The following MEIKIN variants were observed in gnomAD, a reference collection of about 807,000 sequenced individuals.
MEIKIN encodes the protein meiotic kinetochore factor.
At chr5:131,880,881 A>G (rs1750692266) in intron 8 of MEIKIN, among the ~76,000 whole-genome samples, 2 of 152,242 alleles carry the variant, frequency 1.3e-5, no homozygotes, top group Admixed American at 6.5e-5. Context: ...ATATTTTAGT[A>G]TATCACATTT....
At chr5:131,874,164 T>C (rs1352797381) in intron 9 of MEIKIN, among the ~76,000 whole-genome samples, 1 of 151,678 alleles carries the variant, frequency 6.6e-6, no homozygotes, top group Non-Finnish European at 1.5e-5. Context: ...CTGAAGGAAA[T>C]AGAGACACAA....
At chr5:131,848,214 T>C (rs1200788698) in intron 11 of MEIKIN, among the ~76,000 whole-genome samples, 1 of 151,802 alleles carries the variant, frequency 6.6e-6, no homozygotes, top group African/African-American at 2.4e-5. Flanking sequence ...TAGAAAATCA[T>C]AAGGAAAATC....
At position 131,831,623 on chromosome 5, in the gene MEIKIN, A is replaced by G. The variant is rs988601780; in HGVS notation, c.976-12760T>C. Among the ~76,000 whole-genome samples, 60 of 152,292 alleles carry G rather than the reference A, an allele frequency of 3.9e-4. 1 individual carries two copies. Among genetic ancestry groups the G allele is most frequent in the African/African-American group, 1.2e-3 (51 of 41,574 alleles). ...CCTACACTTTTTATTTTTGGCTTAC[A>G]CTATTTGAGTTTTTTTGTGATTGTA... On this transcript the variant is annotated intron_variant, in intron 11 of 12. Coordinates refer to ENST00000442687, the MANE Select transcript of MEIKIN (RefSeq NM_001303622.2).
intron 9 of MEIKIN, among the ~76,000 whole-genome samples, chr5:131,861,688 T>C (rs1012361597): frequency 6.6e-6 from 1 of 152,254 alleles, no homozygotes; most frequent in African/African-American, 2.4e-5. Context: ...CAAATTCTTT[T>C]TCTGCATCTA....
chr5:131,878,363 C>G (rs1381266714), intron 9 of MEIKIN, among the ~76,000 whole-genome samples: 2 of 151,982 alleles, frequency 1.3e-5, no homozygotes, highest in East Asian at 1.9e-4. Flanking sequence ...GTCAGGAGAT[C>G]GAGTCCATCC....
intron 10 of MEIKIN, among the ~76,000 whole-genome samples, chr5:131,853,794 G>A (rs1283291465): frequency 6.6e-6 from 1 of 152,050 alleles, no homozygotes; most frequent in African/African-American, 2.4e-5. Flanking sequence ...ACCATAATGA[G>A]ATACCACCTC....
chr5:131,873,996 T>A (rs930146364), intron 9 of MEIKIN, among the ~76,000 whole-genome samples: 9 of 152,286 alleles, frequency 5.9e-5, no homozygotes, highest in African/African-American at 2.2e-4. Flanking sequence ...TTCAAAGCAG[T>A]GTGTAGAGGG....
intron 8 of MEIKIN, among the ~76,000 whole-genome samples, chr5:131,910,275 G>A (rs1315986329): frequency 6.6e-6 from 1 of 152,140 alleles, no homozygotes; most frequent in Non-Finnish European, 1.5e-5. Context: ...ACAACAACAT[G>A]AATGAAACTG....
chr5:131,897,964 C>T (rs1040109956), intron 8 of MEIKIN, among the ~76,000 whole-genome samples: 1 of 152,174 alleles, frequency 6.6e-6, no homozygotes, highest in Admixed American at 6.5e-5. Context: ...AGATGCGATC[C>T]TTTGGAGGAG....
chr5:131,835,256 T>C (rs938801735), intron 11 of MEIKIN, among the ~76,000 whole-genome samples: 31 of 145,704 alleles, frequency 2.1e-4, no homozygotes, highest in African/African-American at 8.6e-4. Flanking sequence ...ATATATATGA[T>C]ATATGATATC....
At chr5:131,912,290 GATTATTATTATTATTAT>G (rs767569151) in intron 7 of MEIKIN, among the ~76,000 whole-genome samples, 127 of 150,066 alleles carry the variant, frequency 8.5e-4, no homozygotes, top group Non-Finnish European at 1.4e-3. Flanking sequence ...ATGACAGATT[GATTATTATTATTATTAT>G]ATTATTATTA....
chr5:131,897,476 A>C (rs1265719543), intron 8 of MEIKIN, among the ~76,000 whole-genome samples: 1 of 152,156 alleles, frequency 6.6e-6, no homozygotes, highest in Non-Finnish European at 1.5e-5. Flanking sequence ...TATCCTGAAG[A>C]GTGTTTTCCC....
intron 9 of MEIKIN, among the ~76,000 whole-genome samples, chr5:131,876,993 T>A (rs1580885674): frequency 9.5e-6 from 1 of 104,728 alleles, no homozygotes. Context: ...CTGGGGCCTG[T>A]TGTGGGGTGG....
At chr5:131,875,748 T>C (rs988953631) in intron 9 of MEIKIN, among the ~76,000 whole-genome samples, 1 of 152,138 alleles carries the variant, frequency 6.6e-6, no homozygotes, top group African/African-American at 2.4e-5. Context: ...CAAACTATAC[T>C]ACCAGGCTAC....
chr5:131,890,733 C>T (rs1025613759), intron 8 of MEIKIN, among the ~76,000 whole-genome samples: 1 of 152,156 alleles, frequency 6.6e-6, no homozygotes, highest in African/African-American at 2.4e-5. Flanking sequence ...CTGCTCTGAT[C>T]TTACTTATTT....
intron 11 of MEIKIN, 121 bp from the exon 12 acceptor site, chr5:131,818,984 A>C (rs752294409): frequency 3.4e-5 from 13 of 381,460 alleles, no homozygotes; most frequent in Non-Finnish European, 5.1e-5. Flanking sequence ...AACAGCAAGC[A>C]TTTATTAAAT....
At chr5:131,945,018 T>C (rs1751937702) in intron 2 of MEIKIN, 138 bp downstream of exon 2, 1 of 398,244 alleles carries the variant, frequency 2.5e-6, no homozygotes, top group Non-Finnish European at 4.4e-6. Flanking sequence ...GGGGTCCATG[T>C]TCTGAGAAGA....
Position 131,945,550 on chromosome 5 carries a change from C to T in MEIKIN, c.-45G>A. ...CAGGCCACGGGTGCCTCTGGACTCT[C>T]GATGGCCTGCCTTCCTGAGGATCAG... On this transcript the variant is annotated 5_prime_UTR_variant, in exon 1 of 13. Transcript: ENST00000442687. 1 of 400,020 alleles carries T rather than the reference C, an allele frequency of 2.5e-6. No individual in the cohort carries two copies. Among genetic ancestry groups the T allele is most frequent in the Admixed American group, 4.4e-5 (1 of 22,738 alleles). 24.8% of individuals were successfully genotyped at this position (400,020 alleles called of 1,614,324 possible). A position where few individuals can be genotyped will look rare whatever the true frequency, so the allele number is the denominator to read the frequency against.
At chr5:131,919,469 A>G (rs1466726338) in intron 6 of MEIKIN, among the ~76,000 whole-genome samples, 1 of 152,234 alleles carries the variant, frequency 6.6e-6, no homozygotes, top group East Asian at 1.9e-4. Flanking sequence ...AATACTGGGG[A>G]AAAACCTAAA....
Sources: gnomAD v4.1 joint callset for allele counts (sites outside exome capture counted in the v4.1 genomes callset) on GRCh38, gnomAD v4.1.1 for gene constraint, MANE v1.5 for transcripts, NCBI Gene and HGNC (gene_info 2026-07-23, HGNC 2026-07-21) for gene names.